The following SPTLC1 variants were observed in gnomAD, a reference collection of about 807,000 sequenced individuals.
The protein encoded by SPTLC1 is serine palmitoyltransferase 1.
Under a neutral mutation model 68.9 loss-of-function variants are expected in SPTLC1, and 55 were observed. That is an observed-to-expected ratio of 0.80 (90% confidence interval 0.64 to 1.00). The LOEUF is 1.00. Ranked by LOEUF, SPTLC1 falls within the 50% of genes least tolerant of loss-of-function variation. SPTLC1 has a pLI of 0.00. For missense variants in SPTLC1, 449 were observed against 573.1 expected (o/e 0.78, Z 2.21); for synonymous variants, 197 against 201.6 (o/e 0.98, Z 0.19).
intron 5 of SPTLC1, among the ~76,000 whole-genome samples, chr9:92,073,140 G>C (rs60230478): frequency 6.6e-6 from 1 of 151,980 alleles, no homozygotes; most frequent in Non-Finnish European, 1.5e-5. Context: ...GGCAGGAGCC[G>C]AAGGAAAAGT....
chr9:92,090,879 C>A (rs1453060950), intron 3 of SPTLC1, among the ~76,000 whole-genome samples: 1 of 152,146 alleles, frequency 6.6e-6, no homozygotes, highest in East Asian at 1.9e-4. Flanking sequence ...CTGACATCCT[C>A]CCTTAAGGTG....
chr9:92,056,075 A>G (rs970026055), intron 7 of SPTLC1, among the ~76,000 whole-genome samples: 2 of 152,218 alleles, frequency 1.3e-5, no homozygotes, highest in African/African-American at 4.8e-5. Flanking sequence ...GCATTTTTCC[A>G]TAACAAAAAG....
chr9:92,054,406 T>C (rs539486263), intron 8 of SPTLC1, among the ~76,000 whole-genome samples: 124 of 152,350 alleles, frequency 8.1e-4, no homozygotes, highest in Non-Finnish European at 1.5e-3. Flanking sequence ...GGGGCCAACA[T>C]GGGTACTCAC....
At chr9:92,066,315 G>C (rs900343999) in intron 6 of SPTLC1, among the ~76,000 whole-genome samples, 13 of 152,290 alleles carry the variant, frequency 8.5e-5, no homozygotes, top group African/African-American at 3.1e-4. Flanking sequence ...TGTGAGCATG[G>C]ATAAACAAGA....
At chr9:92,095,016 T>C (rs1835481769) in intron 3 of SPTLC1, among the ~76,000 whole-genome samples, 1 of 152,196 alleles carries the variant, frequency 6.6e-6, no homozygotes, top group Non-Finnish European at 1.5e-5. Context: ...ACAGTATGTG[T>C]CTTAGAATCA....
intron 5 of SPTLC1, among the ~76,000 whole-genome samples, chr9:92,076,250 AGCCCTCCTTAAAGCT>A (rs1834680522): frequency 1.3e-5 from 2 of 152,160 alleles, no homozygotes; most frequent in African/African-American, 4.8e-5. Context: ...CCCTTAATAA[AGCCCTCCTTAAAGCT>A]GCCCTCCTTC....
chr9:92,103,807 CG>C (rs1360111469), intron 3 of SPTLC1, among the ~76,000 whole-genome samples: 8 of 152,160 alleles, frequency 5.3e-5, no homozygotes, highest in African/African-American at 1.7e-4. Flanking sequence ...CCCTGTAACC[CG>C]GGGGACAGGG....
intron 3 of SPTLC1, 102 bp from the exon 4 acceptor site, chr9:92,081,065 C>T: frequency 1.2e-6 from 1 of 830,432 alleles, no homozygotes; most frequent in Non-Finnish European, 2.1e-6. Flanking sequence ...GTCATCCTAC[C>T]CTATTTGCAT....
At chr9:92,039,158 CAACA>C (rs1294140097) in intron 12 of SPTLC1, among the ~76,000 whole-genome samples, 3 of 152,038 alleles carry the variant, frequency 2.0e-5, no homozygotes, top group African/African-American at 7.2e-5. Context: ...AAGAAAAACT[CAACA>C]AATACCAAAC....
intron 1 of SPTLC1, among the ~76,000 whole-genome samples, chr9:92,114,660 G>C (rs1056414037): frequency 6.6e-6 from 1 of 151,824 alleles, no homozygotes; most frequent in Non-Finnish European, 1.5e-5. Flanking sequence ...GCTTAAACCC[G>C]GGAGGCGGAG....
At chr9:92,034,195 A>G (rs142937896) in intron 14 of SPTLC1, among the ~76,000 whole-genome samples, 2,678 of 152,374 alleles carry the variant, frequency 0.018, 67 homozygotes, top group African/African-American at 0.06. Flanking sequence ...GCCCCAGGGC[A>G]GAACTGACCA....
intron 2 of SPTLC1, chr9:92,111,530 C>T (rs901292552): frequency 6.6e-6 from 1 of 152,124 alleles, no homozygotes; most frequent in Non-Finnish European, 1.5e-5. Context: ...GTCTCTATTG[C>T]CAGCTCAGTA....
At chr9:92,036,740 T>C (rs1368673736) in intron 13 of SPTLC1, among the ~76,000 whole-genome samples, 1 of 152,246 alleles carries the variant, frequency 6.6e-6, no homozygotes, top group Non-Finnish European at 1.5e-5. Flanking sequence ...GTATTTAATG[T>C]ATAAATGCGT....
At chr9:92,079,446 G>T in intron 5 of SPTLC1, 3 of 1,599,582 alleles carry the variant, frequency 1.9e-6, no homozygotes, top group Non-Finnish European at 2.6e-6. Flanking sequence ...TAAAATGCCG[G>T]TCTTCTTTGA....
chr9:92,045,540 A>AAC (rs1554706133), intron 12 of SPTLC1, among the ~76,000 whole-genome samples: 2 of 148,802 alleles, frequency 1.3e-5, no homozygotes, highest in African/African-American at 2.5e-5. Flanking sequence ...AAAAAAAAAA[A>AAC]AAAAAAAAAA....
chr9:92,085,832 G>A (rs1354760007), intron 3 of SPTLC1, among the ~76,000 whole-genome samples: 4 of 151,592 alleles, frequency 2.6e-5, no homozygotes, highest in Non-Finnish European at 5.9e-5. Flanking sequence ...GTCTAATGTT[G>A]ACAGTGGGGT....
intron 6 of SPTLC1, among the ~76,000 whole-genome samples, chr9:92,064,357 T>C (rs570603101): frequency 7.9e-5 from 12 of 152,326 alleles, no homozygotes; most frequent in African/African-American, 2.6e-4. Flanking sequence ...ACTGAAGAGA[T>C]GGCAAATATG....
Position 92,031,991 on chromosome 9 carries a change from A to G in SPTLC1, c.*474T>C. ...ACTGGAAAATACGTGGTTTATTTAG[A>G]TCTTCAATATAAATTTGTACCACAT... On this transcript the variant is annotated 3_prime_UTR_variant, in exon 15 of 15. Coordinates refer to ENST00000262554, the MANE Select transcript of SPTLC1 (RefSeq NM_006415.4). 3.1e-6 allele frequency: 1 copy of G among 327,182 alleles called. No homozygotes were observed. Among genetic ancestry groups the G allele is most frequent in the Non-Finnish European group, 5.5e-6 (1 of 180,436 alleles). 20.3% of individuals were successfully genotyped at this position (327,182 alleles called of 1,614,324 possible). A position where few individuals can be genotyped will look rare whatever the true frequency, so the allele number is the denominator to read the frequency against.
intron 12 of SPTLC1, among the ~76,000 whole-genome samples, chr9:92,045,524 T>TAAAAAAAAAAA (rs71362367): frequency 9.5e-5 from 3 of 31,638 alleles, no homozygotes; most frequent in African/African-American, 2.2e-4. Context: ...TCTTGTGTAG[T>TAAAAAAAAAAA]AAAAAAAAAA....
Sources: allele counts gnomAD v4.1 joint callset (sites outside exome capture counted in the v4.1 genomes callset), GRCh38; gene constraint gnomAD v4.1.1; transcripts MANE v1.5; gene names NCBI Gene and HGNC (gene_info 2026-07-23, HGNC 2026-07-21).